The following PTPRC variants were observed in gnomAD, a reference collection of about 807,000 sequenced individuals.
PTPRC encodes the protein protein tyrosine phosphatase receptor type C, also known as receptor-type tyrosine-protein phosphatase C.
PTPRC carries 44 observed loss-of-function variants against 155.9 expected under a neutral mutation model. The ratio of observed to expected loss-of-function variants is 0.28; its 90% confidence interval spans 0.22 to 0.36. The LOEUF is 0.36. Among genes scored for constraint, PTPRC ranks in the 10% least tolerant of loss-of-function variants. The pLI is 1.00. For synonymous variants in PTPRC, 525 were observed against 533.1 expected, an observed-to-expected ratio of 0.98 and a Z score of 0.21; for missense variants, 1,401 against 1,564.6, an observed-to-expected ratio of 0.90 and a Z score of 1.76.
upstream of PTPRC, chr1:198,638,843 T>C (rs1464332147): frequency 6.1e-6 from 1 of 164,606 alleles, no homozygotes; most frequent in African/African-American, 2.4e-5. Context: ...TGGTAATGGA[T>C]ACTGTAAAGG....
chr1:198,672,979 CA>C (rs1664735479), intron 2 of PTPRC, among the ~76,000 whole-genome samples: 1 of 152,146 alleles, frequency 6.6e-6, no homozygotes, highest in African/African-American at 2.4e-5. Flanking sequence ...ATCAGCATCA[CA>C]TTTATTTTCC....
chr1:198,727,823 T>C (rs528748394), intron 15 of PTPRC, among the ~76,000 whole-genome samples: 1 of 152,312 alleles, frequency 6.6e-6, no homozygotes, highest in South Asian at 2.1e-4. Context: ...AGTCTTATCC[T>C]AACTATAGAA....
chr1:198,701,820 G>A (rs1462919816), intron 5 of PTPRC, among the ~76,000 whole-genome samples: 2 of 152,186 alleles, frequency 1.3e-5, no homozygotes, highest in African/African-American at 4.8e-5. Flanking sequence ...CAGCTGGAAA[G>A]GAAGAAAAAG....
At chr1:198,662,471 T>A (rs1205930149) in intron 2 of PTPRC, among the ~76,000 whole-genome samples, 2 of 131,106 alleles carry the variant, frequency 1.5e-5, no homozygotes, top group African/African-American at 2.9e-5. Flanking sequence ...TGTGTGTGTG[T>A]GTGTGTGAGA....
Position 198,742,000 on chromosome 1 carries a change from C to T in PTPRC, c.2535C>T (p.Phe845=). 1 of 1,611,074 alleles carries T rather than the reference C, an allele frequency of 6.2e-7. No homozygotes were observed. ...GAGTGAATGCCTTCAGCAATTTCTT[C>T]AGTGGTCCCATTGTGGTGCACTGCA... ...RRRVNAFSNF[F]SGPIVVHCSA... Residue 845 remains phenylalanine, a synonymous_variant, in exon 24 of 33, where the codon TTC becomes TTT. Transcript: ENST00000442510.
At chr1:198,738,650 A>G (rs1025602580) in intron 23 of PTPRC, among the ~76,000 whole-genome samples, 2 of 151,692 alleles carry the variant, frequency 1.3e-5, no homozygotes, top group African/African-American at 4.8e-5. Flanking sequence ...GTATCAGAGT[A>G]ATACTGGCCT....
intron 2 of PTPRC, among the ~76,000 whole-genome samples, chr1:198,675,251 T>TGATGA (rs1243032370): frequency 3.3e-5 from 5 of 152,180 alleles, no homozygotes; most frequent in Non-Finnish European, 7.4e-5. Flanking sequence ...GAATTAATGT[T>TGATGA]GATGAGAAGC....
intron 13 of PTPRC, 133 bp from the exon 14 acceptor site, chr1:198,717,961 A>T: frequency 1.4e-6 from 1 of 736,934 alleles, no homozygotes; most frequent in Middle Eastern, 3.2e-4. Flanking sequence ...TAATTTATGT[A>T]CTATCATAAC....
intron 14 of PTPRC, 79 bp downstream of exon 14, chr1:198,718,381 A>G: frequency 8.8e-7 from 1 of 1,136,698 alleles, no homozygotes. Flanking sequence ...TAACTTTAAG[A>G]CCACTGCTCA....
At chr1:198,659,239 T>C (rs1663793164) in intron 2 of PTPRC, among the ~76,000 whole-genome samples, 1 of 152,206 alleles carries the variant, frequency 6.6e-6, no homozygotes, top group African/African-American at 2.4e-5. Flanking sequence ...TGTTCTCTTG[T>C]CTGTCACCAC....
In PTPRC at chr1:198,699,587, C is replaced by T; in HGVS notation, c.322C>T (p.His108Tyr). ...TTGVSSVQTP[H>Y]LPTHADSQTP... ...AGGTGTTTCATCAGTACAGACGCCT[C>T]ACCTTCCCACGCACGCAGACTCGCA... is the stretch of plus-strand genomic sequence containing the variant. Residue 108 changes from histidine (H) to tyrosine (Y), a missense_variant, in exon 5 of 33, where the codon CAC becomes TAC. Transcript: ENST00000442510. The T allele has an allele frequency of 1.2e-6, 2 of 1,614,190 alleles. No individual in the cohort carries two copies. Among genetic ancestry groups the T allele is most frequent in the Non-Finnish European group, 1.7e-6 (2 of 1,180,038 alleles).
At chr1:198,716,350 A>G (rs1653585099) in intron 12 of PTPRC, among the ~76,000 whole-genome samples, 1 of 152,258 alleles carries the variant, frequency 6.6e-6, no homozygotes, top group Admixed American at 6.5e-5. Flanking sequence ...GCAACTCAAG[A>G]CTTACAGTAT....
chr1:198,713,683 TC>T (rs1362426582), intron 12 of PTPRC, among the ~76,000 whole-genome samples: 2 of 152,192 alleles, frequency 1.3e-5, no homozygotes, highest in Non-Finnish European at 2.9e-5. Context: ...AGAACAAATA[TC>T]TTCTGGACAA....
intron 23 of PTPRC, among the ~76,000 whole-genome samples, chr1:198,736,059 G>A (rs1424541785): frequency 6.6e-6 from 1 of 151,354 alleles, no homozygotes; most frequent in African/African-American, 2.4e-5. Flanking sequence ...ATTTTTTGGG[G>A]TACATGGTAG....
intron 2 of PTPRC, among the ~76,000 whole-genome samples, chr1:198,641,740 G>T (rs1485731151): frequency 6.6e-6 from 1 of 151,948 alleles, no homozygotes; most frequent in African/African-American, 2.4e-5. Context: ...ATGCCAGGCA[G>T]ATCTACCACA....
chr1:198,647,872 G>A (rs1663022699), intron 2 of PTPRC, among the ~76,000 whole-genome samples: 1 of 151,752 alleles, frequency 6.6e-6, no homozygotes, highest in Non-Finnish European at 1.5e-5. Context: ...TTCTATCAGT[G>A]GCTTCTTGGA....
intron 3 of PTPRC, chr1:198,693,959 G>A (rs1666065234): frequency 6.6e-7 from 1 of 1,523,282 alleles, no homozygotes. Flanking sequence ...GGTTAGATGT[G>A]TATATGAGGG....
intron 10 of PTPRC, 26 bp downstream of exon 10, chr1:198,708,287 A>ATT: frequency 6.3e-7 from 1 of 1,576,100 alleles, no homozygotes; most frequent in Non-Finnish European, 8.7e-7. Flanking sequence ...TGACCAGAGA[A>ATT]TTTTTTTTTG....
At chr1:198,673,300 A>G (rs1664753477) in intron 2 of PTPRC, among the ~76,000 whole-genome samples, 1 of 152,192 alleles carries the variant, frequency 6.6e-6, no homozygotes, top group Non-Finnish European at 1.5e-5. Context: ...CAAAATAATT[A>G]AAAAATACTG....
Sources: gnomAD v4.1 joint callset for allele counts (sites outside exome capture counted in the v4.1 genomes callset) on GRCh38, gnomAD v4.1.1 for gene constraint, MANE v1.5 for transcripts, NCBI Gene and HGNC (gene_info 2026-07-23, HGNC 2026-07-21) for gene names.